The following RPF2 variants were observed in gnomAD, a reference collection of about 807,000 sequenced individuals.
RPF2 encodes brix domain containing 1.
In RPF2, 21 loss-of-function variants were observed where a neutral mutation model predicts 38.9. The observed-to-expected ratio is 0.54, with a 90% CI of 0.38 to 0.78. RPF2 has a LOEUF of 0.78. Among genes scored for constraint, RPF2 ranks in the 30% least tolerant of loss-of-function variants. RPF2 has a pLI of 0.00. For missense variants in RPF2, 314 were observed against 358.1 expected (o/e 0.88, Z 0.99); for synonymous variants, 121 against 126.2 (o/e 0.96, Z 0.28).
At chr6:111,002,134 G>A (rs1358853056) in intron 6 of RPF2, among the ~76,000 whole-genome samples, 1 of 152,118 alleles carries the variant, frequency 6.6e-6, no homozygotes, top group Non-Finnish European at 1.5e-5. Context: ...ACAAAAATTA[G>A]CCAGGCATGG....
chr6:110,992,000 T>C (rs1001271144), intron 4 of RPF2, among the ~76,000 whole-genome samples: 1 of 152,104 alleles, frequency 6.6e-6, no homozygotes, highest in Admixed American at 6.6e-5. Flanking sequence ...TGCCTGCAAA[T>C]ATATTGATAA....
At chr6:111,009,367 AT>A (rs1198476903) in intron 7 of RPF2, among the ~76,000 whole-genome samples, 1 of 150,888 alleles carries the variant, frequency 6.6e-6, no homozygotes, top group East Asian at 1.9e-4. Context: ...TTTTTTTTTT[AT>A]TTTTAGTAGA....
intron 1 of RPF2, among the ~76,000 whole-genome samples, chr6:110,984,032 AAAAT>A (rs578022639): frequency 3.9e-5 from 6 of 152,214 alleles, no homozygotes; most frequent in East Asian, 3.9e-4. Flanking sequence ...CTGTCTCAAA[AAAAT>A]AAATAAATAA....
intron 2 of RPF2, among the ~76,000 whole-genome samples, chr6:110,988,340 A>T (rs10499060): frequency 6.6e-6 from 1 of 151,792 alleles, no homozygotes; most frequent in African/African-American, 2.4e-5. Flanking sequence ...TGTCATCATT[A>T]TTACTGTTTC....
intron 6 of RPF2, among the ~76,000 whole-genome samples, chr6:111,000,136 C>T (rs551997511): frequency 7.2e-5 from 11 of 151,994 alleles, no homozygotes; most frequent in African/African-American, 2.4e-4. Context: ...GACAGGGTCT[C>T]ACTCTGTCAC....
In RPF2 at chr6:111,028,081, T is replaced by C. The variant is rs1156279528; in HGVS notation, c.*2499T>C. On this transcript the variant is annotated 3_prime_UTR_variant, in exon 10 of 10. Coordinates refer to ENST00000441448, the MANE Select transcript of RPF2 (RefSeq NM_032194.3). ...TTTGTTTTAAATACCAAATTTCTTA[T>C]ATTTTTTCTGGAATATTAATACTAT... 6.6e-6 allele frequency: 1 copy of C among 152,196 alleles called. No individual in the cohort carries two copies. Among genetic ancestry groups the C allele is most frequent in the Non-Finnish European group, 1.5e-5 (1 of 68,030 alleles). 9.4% of individuals were successfully genotyped at this position (152,196 alleles called of 1,614,324 possible).
At chr6:111,025,303 A>G (rs956600788) in intron 9 of RPF2, 100 bp from the exon 10 acceptor site, 1 of 728,174 alleles carries the variant, frequency 1.4e-6, no homozygotes, top group Non-Finnish European at 2.3e-6. Flanking sequence ...AGGGGCAGGC[A>G]CTAATGGAAA....
At chr6:111,005,834 G>A (rs1771897958) in intron 6 of RPF2, among the ~76,000 whole-genome samples, 1 of 152,012 alleles carries the variant, frequency 6.6e-6, no homozygotes, top group African/African-American at 2.4e-5. Flanking sequence ...TTGTTTTCTT[G>A]AGACGGAGTC....
intron 2 of RPF2, among the ~76,000 whole-genome samples, chr6:110,986,579 T>A (rs1466637859): frequency 6.6e-6 from 1 of 152,196 alleles, no homozygotes; most frequent in African/African-American, 2.4e-5. Context: ...AAAGCTTTGT[T>A]TTTTCTACCT....
chr6:111,015,443 T>C (rs1281341239), intron 7 of RPF2, among the ~76,000 whole-genome samples: 1 of 152,188 alleles, frequency 6.6e-6, no homozygotes, highest in Non-Finnish European at 1.5e-5. Flanking sequence ...AGATTAAAAT[T>C]TTATGCTTTG....
chr6:110,997,053 C>T (rs1009829597), intron 4 of RPF2, 130 bp from the exon 5 acceptor site: 45 of 640,566 alleles, frequency 7.0e-5, no homozygotes, highest in African/African-American at 1.5e-4. Context: ...CAACTCGCCT[C>T]GGCGTCCCAA....
intron 7 of RPF2, among the ~76,000 whole-genome samples, chr6:111,014,474 A>C (rs887133202): frequency 2.0e-5 from 3 of 152,148 alleles, no homozygotes; most frequent in Admixed American, 6.5e-5. Context: ...AAAAGCAGAC[A>C]ACAAAAGATG....
chr6:110,988,952 C>CCA, intron 2 of RPF2, 76 bp from the exon 3 acceptor site: 1 of 1,522,622 alleles, frequency 6.6e-7, no homozygotes, highest in Non-Finnish European at 8.9e-7. Flanking sequence ...TGGAGAGTGA[C>CCA]TGTTATGATG....
chr6:110,990,605 G>A (rs1382402062), intron 3 of RPF2, among the ~76,000 whole-genome samples: 4 of 127,082 alleles, frequency 3.1e-5, no homozygotes, highest in African/African-American at 1.1e-4. Flanking sequence ...TTTAGTATGA[G>A]ACGGAGTCTC....
chr6:110,984,606 G>A (rs980380827), intron 1 of RPF2, among the ~76,000 whole-genome samples: 1 of 152,032 alleles, frequency 6.6e-6, no homozygotes, highest in Non-Finnish European at 1.5e-5. Context: ...TTTGGGAGCC[G>A]AGGTGAGCGG....
chr6:111,015,224 G>GA (rs1031906229), intron 7 of RPF2, among the ~76,000 whole-genome samples: 2 of 152,172 alleles, frequency 1.3e-5, no homozygotes, highest in Admixed American at 6.5e-5. Flanking sequence ...CACTTTGTGA[G>GA]AAAAAAGACT....
At chr6:111,000,860 G>A (rs1023903336) in intron 6 of RPF2, among the ~76,000 whole-genome samples, 6 of 150,428 alleles carry the variant, frequency 4.0e-5, no homozygotes, top group Non-Finnish European at 1.5e-5. Flanking sequence ...AGGGCTTTGA[G>A]AGAAGTGATG....
At chr6:111,009,359 T>C (rs569847527) in intron 7 of RPF2, among the ~76,000 whole-genome samples, 1 of 152,134 alleles carries the variant, frequency 6.6e-6, no homozygotes, top group African/African-American at 2.4e-5. Flanking sequence ...AGGCCTAATT[T>C]TTTTTTTATT....
At chr6:111,013,628 C>T (rs1583272363) in intron 7 of RPF2, among the ~76,000 whole-genome samples, 1 of 152,202 alleles carries the variant, frequency 6.6e-6, no homozygotes, top group African/African-American at 2.4e-5. Context: ...GCACAGATGT[C>T]CTGAAAATTT....
Sources: gnomAD v4.1 joint callset for allele counts (sites outside exome capture counted in the v4.1 genomes callset) on GRCh38, gnomAD v4.1.1 for gene constraint, MANE v1.5 for transcripts, NCBI Gene and HGNC (gene_info 2026-07-23, HGNC 2026-07-21) for gene names.